Variants in ATRNL1 observed in about 807,000 individuals in gnomAD.
ATRNL1 encodes the protein attractin-like protein 1.
Under a neutral mutation model 182.7 loss-of-function variants are expected in ATRNL1, and 95 were observed. The ratio of observed to expected loss-of-function variants is 0.52; its 90% CI spans 0.44 to 0.62. ATRNL1 has a LOEUF of 0.62. Ranked by LOEUF, ATRNL1 falls within the 20% of genes least tolerant of loss-of-function variation. The probability of loss-of-function intolerance (pLI) is 0.00; values close to 1 mark genes in which losing one functional copy is unlikely to be tolerated. For synonymous variants in ATRNL1, 576 were observed against 568.3 expected (o/e 1.01, Z -0.19); for missense variants, 1,471 against 1,679.5 (o/e 0.88, Z 2.17).
rs142366831 is a variant in ATRNL1, at chr10:115,246,096, T to C, written c.1687+4371T>C. Among the ~76,000 whole-genome samples the C allele has an allele frequency of 3.3e-3, 497 of 152,278 alleles. 3 individuals are homozygous for C. Among genetic ancestry groups the C allele is most frequent in the African/African-American group, 0.011 (470 of 41,568 alleles). ...TTTTGAGGAAAGGATGAACTAACAT[T>C]TATCTAATGTTTTCAACAGTGCTTG... On this transcript the variant is annotated intron_variant, in intron 10 of 28. Transcript: ENST00000355044.
rs536952932 is a variant in ATRNL1 at position 115,603,470 on chromosome 10, C to T, written c.3795+53934C>T. On this transcript the variant is annotated intron_variant, in intron 26 of 28. Coordinates refer to ENST00000355044, the MANE Select transcript of ATRNL1 (RefSeq NM_207303.4). The stretch of plus-strand genomic sequence containing the variant: ...TAGAGCAGACGATGCTCCTAGTACC[C>T]ATATCACTTAAAAAATTACAAGAGT... Among the ~76,000 whole-genome samples the T allele has an allele frequency of 1.4e-4, 22 of 152,236 alleles. No individual in the cohort carries two copies. In the South Asian group the frequency reaches 4.6e-3, roughly 32 times the overall value.
chr10:115,586,776 G>T (rs1316240559), intron 26 of ATRNL1, among the ~76,000 whole-genome samples: 1 of 117,552 alleles, frequency 8.5e-6, no homozygotes, highest in Non-Finnish European at 1.9e-5. Context: ...TCTCCGTCCA[G>T]CTTTGTTCCA....
At chr10:115,790,384 T>C (rs1420640102) in intron 27 of ATRNL1, among the ~76,000 whole-genome samples, 3 of 152,184 alleles carry the variant, frequency 2.0e-5, no homozygotes, top group African/African-American at 7.2e-5. Context: ...CCTGAATAAA[T>C]GGCAACCTCT....
In ATRNL1 at chr10:115,243,761, T is replaced by C. The variant is rs116154904; in HGVS notation, c.1687+2036T>C. On this transcript the variant is annotated intron_variant, in intron 10 of 28. Transcript: ENST00000355044. ...GTTCAGACTGGAGGAAGGAATAGCA[T>C]ATTTTAAACAGTTTTACATTTTAAC... Among the ~76,000 whole-genome samples, 1,032 of 152,222 alleles carry C rather than the reference T, an allele frequency of 6.8e-3. 8 individuals are homozygous for C. The highest frequency in any genetic ancestry group is 0.022 in the African/African-American group (920 of 41,554).
chr10:115,286,083 T>A (rs1852598414), intron 14 of ATRNL1, 133 bp from the exon 15 acceptor site: 2 of 534,772 alleles, frequency 3.7e-6, no homozygotes, highest in East Asian at 6.5e-5. Flanking sequence ...AAAAATTTAT[T>A]TGAAATATTG....
chr10:115,675,942 G>C (rs1358433843), intron 26 of ATRNL1, among the ~76,000 whole-genome samples: 1 of 152,106 alleles, frequency 6.6e-6, no homozygotes, highest in African/African-American at 2.4e-5. Flanking sequence ...TGTCTCCAGA[G>C]CTGTGCTGGC....
intron 26 of ATRNL1, among the ~76,000 whole-genome samples, chr10:115,721,489 T>C (rs1336308928): frequency 3.9e-5 from 6 of 152,128 alleles, no homozygotes; most frequent in Non-Finnish European, 8.8e-5. Context: ...TCCATATGGC[T>C]GGGGAGGCCT....
intron 26 of ATRNL1, among the ~76,000 whole-genome samples, chr10:115,598,428 A>G (rs1251976510): frequency 3.3e-5 from 5 of 150,440 alleles, no homozygotes; most frequent in African/African-American, 9.8e-5. Flanking sequence ...CAGAGGCGTG[A>G]TCTCGGCTCA....
At chr10:115,555,034 T>C (rs1252422838) in intron 26 of ATRNL1, among the ~76,000 whole-genome samples, 2 of 151,770 alleles carry the variant, frequency 1.3e-5, no homozygotes, top group Non-Finnish European at 3.0e-5. Context: ...TGTGTGTATA[T>C]GTGTTTTTAT....
intron 3 of ATRNL1, among the ~76,000 whole-genome samples, chr10:115,124,150 C>A (rs561930379): frequency 6.6e-6 from 1 of 152,054 alleles, no homozygotes; most frequent in Non-Finnish European, 1.5e-5. Flanking sequence ...GTCTCTGGTT[C>A]CAAAAAGGTT....
intron 8 of ATRNL1, among the ~76,000 whole-genome samples, chr10:115,212,146 A>G (rs1386223725): frequency 6.6e-6 from 1 of 151,922 alleles, no homozygotes; most frequent in African/African-American, 2.4e-5. Context: ...TACTGAGCTC[A>G]GTACCCAATA....
At chr10:115,272,184 T>C (rs995324162) in intron 13 of ATRNL1, among the ~76,000 whole-genome samples, 3 of 152,184 alleles carry the variant, frequency 2.0e-5, no homozygotes, top group Non-Finnish European at 4.4e-5. Context: ...TAACTAAACC[T>C]CGTTTCTTTA....
chr10:115,650,867 G>A (rs915163588), intron 26 of ATRNL1, among the ~76,000 whole-genome samples: 6 of 151,824 alleles, frequency 4.0e-5, no homozygotes, highest in African/African-American at 9.7e-5. Flanking sequence ...GTTTTGGTTC[G>A]TTGATTATTC....
intron 18 of ATRNL1, among the ~76,000 whole-genome samples, chr10:115,325,736 T>C (rs1854838788): frequency 6.6e-6 from 1 of 152,150 alleles, no homozygotes; most frequent in Non-Finnish European, 1.5e-5. Context: ...TCTTTTATCA[T>C]CAAGAGGTAT....
intron 3 of ATRNL1, among the ~76,000 whole-genome samples, chr10:115,125,134 T>C (rs1444978873): frequency 6.6e-6 from 1 of 152,190 alleles, no homozygotes; most frequent in East Asian, 1.9e-4. Context: ...CTGTGAAGGA[T>C]ACGTAGGAGT....
intron 26 of ATRNL1, among the ~76,000 whole-genome samples, chr10:115,643,928 C>T (rs529051263): frequency 6.6e-6 from 1 of 152,264 alleles, no homozygotes; most frequent in East Asian, 1.9e-4. Context: ...TATAGTTAAG[C>T]ATATACATAC....
At chr10:115,331,026 C>A (rs1167378632) in intron 18 of ATRNL1, among the ~76,000 whole-genome samples, 1 of 150,820 alleles carries the variant, frequency 6.6e-6, no homozygotes, top group Non-Finnish European at 1.5e-5. Context: ...ATCAGTGATT[C>A]TTCTGCTTTG....
intron 27 of ATRNL1, among the ~76,000 whole-genome samples, chr10:115,737,279 C>G (rs78703463): frequency 1.7e-5 from 2 of 119,516 alleles, no homozygotes; most frequent in Non-Finnish European, 3.7e-5. Context: ...TCCCCCCCCC[C>G]CAAAAAAAAA....
intron 8 of ATRNL1, among the ~76,000 whole-genome samples, chr10:115,183,246 A>G (rs1847815079): frequency 6.6e-6 from 1 of 151,504 alleles, no homozygotes; most frequent in Non-Finnish European, 1.5e-5. Context: ...TATATTTATA[A>G]CATTAAACAA....
Sources: allele counts gnomAD v4.1 joint callset (sites outside exome capture counted in the v4.1 genomes callset), GRCh38; gene constraint gnomAD v4.1.1; transcripts MANE v1.5; gene names NCBI Gene and HGNC (gene_info 2026-07-23, HGNC 2026-07-21).